Variants in EMC1 observed in about 807,000 individuals in gnomAD.
The protein encoded by EMC1 is ER membrane protein complex subunit 1.
In EMC1, 103 loss-of-function variants were observed where a neutral mutation model predicts 128.8. The ratio of observed to expected loss-of-function variants is 0.80; its 90% CI spans 0.68 to 0.94. The LOEUF (loss-of-function observed/expected upper bound fraction) is 0.94. Ranked by LOEUF, EMC1 falls within the 40% of genes least tolerant of loss-of-function variation. EMC1 has a pLI of 0.00. For missense variants in EMC1, 1,083 were observed against 1,250.6 expected, an observed-to-expected ratio of 0.87 and a Z score of 2.02; for synonymous variants, 442 against 490.4, an observed-to-expected ratio of 0.90 and a Z score of 1.30.
intron 1 of EMC1, among the ~76,000 whole-genome samples, chr1:19,248,453 G>A (rs2093641781): frequency 6.6e-6 from 1 of 151,874 alleles, no homozygotes. Context: ...ATGGAGTCTC[G>A]CTCTGTTGCC....
At chr1:19,239,649 C>T (rs1029724348) in intron 8 of EMC1, 169 bp downstream of exon 8, 3 of 647,530 alleles carry the variant, frequency 4.6e-6, no homozygotes, top group Middle Eastern at 3.6e-4. Flanking sequence ...GGAGGAAATA[C>T]ACCATTTCTA....
In EMC1 at chr1:19,232,627, G is replaced by C. The variant is rs1461676071; in HGVS notation, c.1779C>G (p.Asp593Glu). Reference protein sequence around the residue: ...HPPQCTLLVKDKESGMSSLYV... With the variant: ...HPPQCTLLVKEKESGMSSLYV... ...AAGTCAGAGCTGGATGCCTCACCTT[G>C]TCCTTCACCAGCAGGGTGCACTGTG... The change falls in exon 15 of 23, where the codon GAC becomes GAG. Residue 593 changes from aspartate to glutamate, a missense_variant. Asp to Glu is a conservative substitution (Grantham distance 45, BLOSUM62 2). Transcript: ENST00000477853. 5.0e-6 allele frequency: 8 copies of C among 1,613,918 alleles called. No homozygotes were observed. The highest frequency in any genetic ancestry group is 8.5e-7 in the Non-Finnish European group (1 of 1,180,004).
At position 19,219,249 on chromosome 1, in the gene EMC1, C is replaced by T. The variant is rs1453221968; in HGVS notation, c.*54G>A. ...ATCCACCAAACTGCAGCTGTAGCTGCTTATCTGACCCACACTCCCCTGGCT... is the reference window on the plus strand; with the variant it reads ...ATCCACCAAACTGCAGCTGTAGCTGTTTATCTGACCCACACTCCCCTGGCT... On this transcript the variant is annotated 3_prime_UTR_variant, in exon 23 of 23. Coordinates refer to ENST00000477853, the MANE Select transcript of EMC1 (RefSeq NM_015047.3). 7 of 1,583,540 alleles carry T rather than the reference C, an allele frequency of 4.4e-6. No homozygotes were observed. In the Admixed American group the frequency reaches 5.0e-5, roughly 11 times the overall value.
At position 19,243,985 on chromosome 1, in the gene EMC1, T is replaced by C. The variant is rs1056629023; in HGVS notation, c.251A>G (p.Glu84Gly). 4 of 1,613,992 alleles carry C rather than the reference T, an allele frequency of 2.5e-6. No homozygotes were observed. The highest frequency in any genetic ancestry group is 3.3e-5 in the Admixed American group (2 of 59,990). ...CAGCAGCATGGCATCCACAGCCCCT[T>C]CTGCCGTGCCCTTGTCAACATGGCG... ...LWRHVDKGTA[E>G]GAVDAMLLHG... is the part of the protein sequence containing the mutation. Residue 84 changes from glutamate (E) to glycine (G), a missense_variant, in exon 3 of 23, where the codon GAA (glutamate) becomes GGA (glycine). By Grantham distance (98) the Glu-to-Gly change is moderately conservative (BLOSUM62 -2). This residue lies in a region of EMC1 where 544 missense variants were observed against 572.4 expected (regional missense o/e 0.95). Transcript: ENST00000477853.
At position 19,217,131 on chromosome 1, in the gene EMC1, T is replaced by TAC. The variant is rs374728161; in HGVS notation, c.*2171_*2172insGT. The TAC allele has an allele frequency of 1.9e-4, 28 of 149,744 alleles. No individual in the cohort carries two copies. The highest frequency in any genetic ancestry group is 3.4e-3 in the Middle Eastern group (1 of 292). 9.3% of individuals were successfully genotyped at this position (149,744 alleles called of 1,614,324 possible). A position where few individuals can be genotyped will look rare whatever the true frequency, so the allele number is the denominator to read the frequency against. Reference sequence around the variant, plus strand: ...GATCAGAGAATTGAGAGAGGAAACATAGTCTCAGCAGCCATTAGTGGAGAC... The same window carrying TAC: ...GATCAGAGAATTGAGAGAGGAAACATACAGTCTCAGCAGCCATTAGTGGAGAC... On this transcript the variant is annotated 3_prime_UTR_variant, in exon 23 of 23. Transcript: ENST00000477853.
chr1:19,247,197 CCACTATAGATA>C (rs1293275350), intron 1 of EMC1, among the ~76,000 whole-genome samples: 4 of 152,202 alleles, frequency 2.6e-5, no homozygotes, highest in Admixed American at 2.6e-4. Flanking sequence ...AATACAACCA[CCACTATAGATA>C]CACTTTTTAT....
chr1:19,220,095 T>C (rs2093420020), intron 21 of EMC1: 1 of 201,708 alleles, frequency 5.0e-6, no homozygotes, highest in Non-Finnish European at 1.0e-5. Context: ...CTGTGTCTTT[T>C]CCTAGCTTTA....
At chr1:19,240,033 C>G in intron 7 of EMC1, 48 bp from the exon 8 acceptor site, 1 of 1,554,404 alleles carries the variant, frequency 6.4e-7, no homozygotes, top group East Asian at 2.3e-5. Context: ...TGACGACTCC[C>G]TGACCCATCC....
Position 19,222,700 on chromosome 1 carries a change from G to T in EMC1, c.2511C>A (p.Ser837=), listed in dbSNP as rs2093441334. The change falls in exon 20 of 23, where the codon TCC becomes TCA. Residue 837 remains serine, a synonymous_variant. Transcript: ENST00000477853. The part of the protein sequence containing the change: ...RPQLPQVLQQ[S]YIFPSSISAM... ...CACTGATGGAGGACGGGAAGATATA[G>T]GACTGCTGGAGGACCTGGGGCAGCT... The T allele has an allele frequency of 9.3e-6, 15 of 1,614,062 alleles. No individual in the cohort carries two copies. The highest frequency in any genetic ancestry group is 1.3e-5 in the African/African-American group (1 of 74,908).
Position 19,227,294 on chromosome 1 carries a change from G to A in EMC1, c.2202+19C>T. On this transcript the variant is annotated intron_variant, in intron 18 of 22. Transcript: ENST00000477853. ...ATTCGAAAGCCCTTGCTGTAGACCA[G>A]ACAGCTGGCTGTATGTACCTTGTAG... 1.9e-6 allele frequency: 3 copies of A among 1,613,870 alleles called. No homozygotes were observed. Among genetic ancestry groups the A allele is most frequent in the East Asian group, 2.2e-5 (1 of 44,886 alleles).
At position 19,230,921 on chromosome 1, in the gene EMC1, G is replaced by A. The variant is rs761598407; in HGVS notation, c.1987C>T (p.His663Tyr). 1.9e-6 allele frequency: 3 copies of A among 1,614,208 alleles called. No homozygotes were observed. The South Asian group carries it at 3.3e-5, about 18-fold the overall frequency. ...AAGAAGATGGAAGGGGCAAGCTCAT[G>A]TAGCTGTCGCAAGACATTCCGAGTG... is the stretch of plus-strand genomic sequence containing the variant. ...PATRNVLRQLHELAPSIFFYL... is the reference protein window; with the variant it reads ...PATRNVLRQLYELAPSIFFYL... Residue 663 changes from histidine (H) to tyrosine (Y), a missense_variant, in exon 17 of 23, where the codon CAT (histidine) becomes TAT (tyrosine). Transcript: ENST00000477853.
chr1:19,216,321 CCA>C lies in EMC1; in HGVS notation c.*2980_*2981del, dbSNP rs1203340735. On this transcript the variant is annotated 3_prime_UTR_variant, in exon 23 of 23. Coordinates refer to ENST00000477853, the MANE Select transcript of EMC1 (RefSeq NM_015047.3). The stretch of plus-strand genomic sequence containing the variant: ...GCCTTACGGAGCACATAACATGTAC[CCA>C]CACACAAATAATGAAACTAGTTCAG... The C allele has an allele frequency of 2.6e-5, 4 of 151,904 alleles. No individual in the cohort carries two copies. Among genetic ancestry groups the C allele is most frequent in the Non-Finnish European group, 5.9e-5 (4 of 68,006 alleles). 9.4% of individuals were successfully genotyped at this position (151,904 alleles called of 1,614,324 possible).
intron 13 of EMC1, chr1:19,234,280 CA>C: frequency 1.6e-6 from 1 of 607,860 alleles, no homozygotes; most frequent in South Asian, 7.2e-5. Context: ...TGGTCCAGAG[CA>C]GGCCCTCAAC....
Position 19,244,869 on chromosome 1 carries a change from T to A in EMC1, c.220+37A>T, listed in dbSNP as rs368987964. On this transcript the variant is annotated intron_variant, in intron 2 of 22. Transcript: ENST00000477853. ...TTGGCAATGGTAAGTCTTTCATCCC[T>A]GAGGCAGCCAGTAGACACAGTTCTC... is the stretch of plus-strand genomic sequence containing the variant. 2.3e-5 allele frequency: 37 copies of A among 1,611,056 alleles called. No homozygotes were observed. In the African/African-American group the frequency reaches 3.5e-4, roughly 15 times the overall value.
intron 1 of EMC1, among the ~76,000 whole-genome samples, chr1:19,250,649 T>G (rs189277480): frequency 6.6e-6 from 1 of 152,362 alleles, no homozygotes; most frequent in East Asian, 1.9e-4. Context: ...GCTTAATGAC[T>G]GCATTCAATG....
rs778113185 is a variant in EMC1, at chr1:19,243,648, C to A, written c.346G>T (p.Gly116Cys). Residue 116 changes from glycine (G) to cysteine (C), a missense_variant, in exon 4 of 23, where the codon GGC becomes TGC. Physicochemically the swap from Gly to Cys is radical, Grantham distance 159. Around this residue, in one of 3 missense-constraint regions of EMC1, gnomAD observed 544 missense variants for 572.4 expected, o/e 0.95. Transcript: ENST00000477853. ...TCCAGGGTTATCTCCCAGTTCAGGC[C>A]CCCGATGTTAGTCTCCCAGGAACGC... ...IMRSWETNIG[G>C]LNWEITLDSG... The A allele has an allele frequency of 1.2e-5, 20 of 1,614,154 alleles. No individual in the cohort carries two copies. The South Asian group carries it at 1.3e-4, about 11-fold the overall frequency.
At chr1:19,229,172 G>C (rs182423212) in intron 17 of EMC1, among the ~76,000 whole-genome samples, 2 of 152,184 alleles carry the variant, frequency 1.3e-5, no homozygotes, top group African/African-American at 4.8e-5. Context: ...CCTGGGGAGG[G>C]GAAGACCGCT....
intron 17 of EMC1, 98 bp from the exon 18 acceptor site, chr1:19,227,548 T>C: frequency 7.2e-7 from 1 of 1,387,362 alleles, no homozygotes; most frequent in East Asian, 2.3e-5. Flanking sequence ...TTGAGGCCTT[T>C]GTGCAGGAAG....
At position 19,226,176 on chromosome 1, in the gene EMC1, A is replaced by G. The variant is rs184968859; in HGVS notation, c.2202+1137T>C. Reference sequence around the variant, plus strand: ...TAATGTGCATTACTACTATCATTACATTCTCTCCCATAACAGTTTTGCAGC... The same window carrying G: ...TAATGTGCATTACTACTATCATTACGTTCTCTCCCATAACAGTTTTGCAGC... On this transcript the variant is annotated intron_variant, in intron 18 of 22. Coordinates refer to ENST00000477853, the MANE Select transcript of EMC1 (RefSeq NM_015047.3). 2.3e-3 allele frequency among the ~76,000 whole-genome samples: 356 copies of G among 152,252 alleles called. 2 individuals are homozygous for G. Among genetic ancestry groups the G allele is most frequent in the African/African-American group, 8.4e-3 (350 of 41,538 alleles).
Sources: allele counts gnomAD v4.1 joint callset (sites outside exome capture counted in the v4.1 genomes callset), GRCh38; gene constraint gnomAD v4.1.1; regional missense constraint gnomAD v4.1.1; transcripts MANE v1.5; gene names NCBI Gene and HGNC (gene_info 2026-07-23, HGNC 2026-07-21).